TBC1D5: variants seen among roughly 807,000 people sequenced by gnomAD.
TBC1D5 encodes the protein TBC1 domain family, member 5.
TBC1D5 carries 75 observed loss-of-function variants against 100.3 expected under a neutral mutation model. The observed-to-expected ratio is 0.75, with a 90% CI of 0.62 to 0.91. The LOEUF is 0.91. Among genes scored for constraint, TBC1D5 ranks in the 40% least tolerant of loss-of-function variants. The pLI is 0.00. For missense variants in TBC1D5, 910 were observed against 942.4 expected (o/e 0.97, Z 0.45); for synonymous variants, 323 against 325.6 (o/e 0.99, Z 0.09).
At chr3:17,673,171 G>A (rs1333396790) in intron 1 of TBC1D5, among the ~76,000 whole-genome samples, 1 of 152,038 alleles carries the variant, frequency 6.6e-6, no homozygotes, top group Non-Finnish European at 1.5e-5. Context: ...ACAAAAACAG[G>A]AAAGATATAA....
chr3:17,533,420 A>G (rs1298294413), intron 2 of TBC1D5, among the ~76,000 whole-genome samples: 1 of 152,164 alleles, frequency 6.6e-6, no homozygotes, highest in Non-Finnish European at 1.5e-5. Context: ...GGCATATCAA[A>G]TCCTAATATG....
At chr3:17,581,391 A>G (rs1217520141) in intron 2 of TBC1D5, among the ~76,000 whole-genome samples, 3 of 152,202 alleles carry the variant, frequency 2.0e-5, no homozygotes, top group Non-Finnish European at 4.4e-5. Flanking sequence ...TCTTTACTGA[A>G]TTCTGGACCA....
chr3:17,313,723 A>G (rs2084320484), intron 13 of TBC1D5, among the ~76,000 whole-genome samples: 1 of 152,192 alleles, frequency 6.6e-6, no homozygotes, highest in Non-Finnish European at 1.5e-5. Context: ...AAGCTGAGAA[A>G]TATCAGGATC....
chr3:17,484,685 G>C (rs770472306), intron 3 of TBC1D5, among the ~76,000 whole-genome samples: 1 of 152,086 alleles, frequency 6.6e-6, no homozygotes, highest in Non-Finnish European at 1.5e-5. Context: ...GGTCTTCCCT[G>C]TATTGCCCAG....
intron 8 of TBC1D5, among the ~76,000 whole-genome samples, chr3:17,400,212 A>G (rs933998850): frequency 6.6e-6 from 1 of 152,138 alleles, no homozygotes; most frequent in Non-Finnish European, 1.5e-5. Flanking sequence ...CTCCATAAAT[A>G]TACATTTTTT....
At chr3:17,471,085 G>A (rs2095367457) in intron 3 of TBC1D5, among the ~76,000 whole-genome samples, 1 of 152,174 alleles carries the variant, frequency 6.6e-6, no homozygotes, top group Non-Finnish European at 1.5e-5. Flanking sequence ...TCACTCCAGT[G>A]AGAACATTAG....
At chr3:17,294,461 C>G (rs984642279) in intron 14 of TBC1D5, among the ~76,000 whole-genome samples, 7 of 152,114 alleles carry the variant, frequency 4.6e-5, no homozygotes, top group African/African-American at 1.4e-4. Flanking sequence ...GTAGAACAGA[C>G]TGATTTAGAT....
chr3:17,180,716 A>G (rs1329268998), intron 19 of TBC1D5, among the ~76,000 whole-genome samples: 1 of 152,174 alleles, frequency 6.6e-6, no homozygotes, highest in African/African-American at 2.4e-5. Context: ...TGGGAGCTAA[A>G]TAATGTGTAT....
chr3:17,691,031 A>G (rs2071080137), intron 1 of TBC1D5, among the ~76,000 whole-genome samples: 1 of 152,238 alleles, frequency 6.6e-6, no homozygotes, highest in Admixed American at 6.5e-5. Context: ...GAGAAACCTT[A>G]CAAAACAGTA....
intron 4 of TBC1D5, among the ~76,000 whole-genome samples, chr3:17,411,514 A>G (rs1193801523): frequency 1.3e-5 from 2 of 152,156 alleles, no homozygotes; most frequent in Admixed American, 1.3e-4. Flanking sequence ...AAGGAATCAC[A>G]ATTTGTGAGA....
rs1289637086 is a variant in TBC1D5, at chr3:17,523,645, A to G, written c.-35-15040T>C. Among the ~76,000 whole-genome samples the G allele has an allele frequency of 3.9e-5, 6 of 152,210 alleles. No individual in the cohort carries two copies. The East Asian group carries it at 7.7e-4, about 20-fold the overall frequency. Reference sequence around the variant, plus strand: ...AACAGAGAAAGCTGCACTGAGAAAAAGCAGCTGCAAAACAGACATATAAAA... The same window carrying G: ...AACAGAGAAAGCTGCACTGAGAAAAGGCAGCTGCAAAACAGACATATAAAA... On this transcript the variant is annotated intron_variant, in intron 2 of 21. Coordinates refer to ENST00000253692, the Ensembl canonical transcript of TBC1D5.
chr3:17,556,894 T>C (rs2096525702), intron 2 of TBC1D5, among the ~76,000 whole-genome samples: 2 of 151,934 alleles, frequency 1.3e-5, no homozygotes, highest in African/African-American at 4.8e-5. Context: ...AATAAAAGGA[T>C]AAAGAAGTAG....
chr3:17,572,475 T>TA (rs747825350), intron 2 of TBC1D5, among the ~76,000 whole-genome samples: 1 of 152,092 alleles, frequency 6.6e-6, no homozygotes, highest in East Asian at 1.9e-4. Flanking sequence ...CACCAATATA[T>TA]AAACACTTTG....
At chr3:17,204,009 C>T (rs1230361851) in intron 18 of TBC1D5, among the ~76,000 whole-genome samples, 1 of 152,202 alleles carries the variant, frequency 6.6e-6, no homozygotes, top group Non-Finnish European at 1.5e-5. Flanking sequence ...ACAGATCCCC[C>T]CTTTATCAAC....
chr3:17,348,591 C>A (rs1417360779), intron 13 of TBC1D5, among the ~76,000 whole-genome samples: 1 of 152,056 alleles, frequency 6.6e-6, no homozygotes, highest in African/African-American at 2.4e-5. Flanking sequence ...TTTCTGATTT[C>A]TCTTGCCACT....
chr3:17,690,085 T>A (rs189761590), intron 1 of TBC1D5, among the ~76,000 whole-genome samples: 3 of 151,374 alleles, frequency 2.0e-5, no homozygotes, highest in East Asian at 3.9e-4. Flanking sequence ...GAAACAAGAC[T>A]AGAAAACATA....
At chr3:17,657,263 T>C (rs2066168666) in intron 1 of TBC1D5, among the ~76,000 whole-genome samples, 2 of 151,574 alleles carry the variant, frequency 1.3e-5, no homozygotes, top group South Asian at 2.1e-4. Flanking sequence ...ACTACCAACT[T>C]CAACCTTTGG....
At chr3:17,629,116 A>G (rs2063297383) in intron 1 of TBC1D5, among the ~76,000 whole-genome samples, 1 of 152,246 alleles carries the variant, frequency 6.6e-6, no homozygotes, top group Admixed American at 6.5e-5. Context: ...GCTTATTAAA[A>G]TAAAATATAG....
chr3:17,498,602 C>A (rs2095745459), intron 3 of TBC1D5, among the ~76,000 whole-genome samples: 1 of 152,050 alleles, frequency 6.6e-6, no homozygotes. Context: ...ATGAGACATA[C>A]AATTTATAAT....
Sources: gnomAD v4.1 joint callset for allele counts (sites outside exome capture counted in the v4.1 genomes callset) on GRCh38, gnomAD v4.1.1 for gene constraint, MANE v1.5 for transcripts, NCBI Gene and HGNC (gene_info 2026-07-23, HGNC 2026-07-21) for gene names.